Variants in MAK observed in about 807,000 individuals in gnomAD.
The protein encoded by MAK is male germ cell associated kinase, also known as serine/threonine-protein kinase MAK.
Under a neutral mutation model 82.6 loss-of-function variants are expected in MAK, and 65 were observed. That is an observed-to-expected ratio of 0.79 (90% confidence interval 0.64 to 0.97). MAK has a LOEUF of 0.97. Among genes scored for constraint, MAK ranks in the 50% least tolerant of loss-of-function variants. The pLI, the probability that MAK is intolerant of heterozygous loss-of-function variation, is 0.00. For missense variants in MAK, 703 were observed against 780.2 expected (o/e 0.90, Z 1.18); for synonymous variants, 250 against 274.2 (o/e 0.91, Z 0.87).
chr6:10,804,828 C>T (rs1776283767), intron 6 of MAK, among the ~76,000 whole-genome samples: 1 of 152,056 alleles, frequency 6.6e-6, no homozygotes, highest in South Asian at 2.1e-4. Context: ...TACTGCAAGC[C>T]CTCAAATAAA....
rs1581751836 is a variant in MAK, at chr6:10,819,086, A to C, written c.102-146T>G. Reference sequence around the variant, plus strand: ...CATCCTTATAAGGAAATCACCTCCTATACCTCAAGGCTACTTGGTAGGCCT... The same window carrying C: ...CATCCTTATAAGGAAATCACCTCCTCTACCTCAAGGCTACTTGGTAGGCCT... On this transcript the variant is annotated intron_variant, in intron 2 of 14. Transcript: ENST00000354489. The C allele has an allele frequency of 1.4e-5, 9 of 657,710 alleles. No homozygotes were observed. In the East Asian group the frequency reaches 2.2e-4, roughly 16 times the overall value. The allele number at this position is 657,710 out of a possible 1,614,324, so 40.7% of individuals were successfully genotyped here. A position where few individuals can be genotyped will look rare whatever the true frequency, so the allele number is the denominator to read the frequency against.
chr6:10,823,998 C>CAA (rs5874290), intron 2 of MAK, among the ~76,000 whole-genome samples: 9 of 146,910 alleles, frequency 6.1e-5, no homozygotes, highest in African/African-American at 2.3e-4. Context: ...TGGTAACAAA[C>CAA]AAAAAAAAAA....
intron 13 of MAK, among the ~76,000 whole-genome samples, chr6:10,772,669 A>G (rs933289953): frequency 6.6e-6 from 1 of 152,072 alleles, no homozygotes; most frequent in African/African-American, 2.4e-5. Context: ...GTGGTTGTTC[A>G]TGCTTAAGAA....
chr6:10,832,143 A>G (rs1159640258), intron 1 of MAK, among the ~76,000 whole-genome samples: 2 of 151,998 alleles, frequency 1.3e-5, no homozygotes, highest in African/African-American at 2.4e-5. Flanking sequence ...GCACCACCAC[A>G]CCTGGCTAAT....
At chr6:10,769,572 G>A (rs957992714) in intron 14 of MAK, among the ~76,000 whole-genome samples, 1 of 152,190 alleles carries the variant, frequency 6.6e-6, no homozygotes, top group African/African-American at 2.4e-5. Flanking sequence ...GCCCTAAGAT[G>A]GAACTGTAGA....
chr6:10,825,046 G>C (rs945349269), intron 2 of MAK, among the ~76,000 whole-genome samples: 2 of 152,200 alleles, frequency 1.3e-5, no homozygotes, highest in African/African-American at 4.8e-5. Context: ...AGATGTAAGG[G>C]GATGTCCTTG....
chr6:10,802,081 G>A (rs781157810), intron 7 of MAK, 22 bp from the exon 8 acceptor site: 15 of 1,610,158 alleles, frequency 9.3e-6, no homozygotes, highest in Non-Finnish European at 1.2e-5. Context: ...ATATATAAGT[G>A]CAGGTGGGGA....
intron 2 of MAK, among the ~76,000 whole-genome samples, chr6:10,822,780 C>A (rs1778060432): frequency 6.6e-6 from 1 of 152,144 alleles, no homozygotes; most frequent in Admixed American, 6.5e-5. Flanking sequence ...AGGAAATCAA[C>A]TTCAGAAATA....
chr6:10,773,747 A>G (rs182578520), intron 12 of MAK, among the ~76,000 whole-genome samples: 1 of 145,072 alleles, frequency 6.9e-6, no homozygotes, highest in Non-Finnish European at 1.5e-5. Context: ...GCTGGAGTGC[A>G]GTGGTGTGAT....
chr6:10,795,275 C>T (rs1775435175), intron 9 of MAK, among the ~76,000 whole-genome samples: 1 of 150,714 alleles, frequency 6.6e-6, no homozygotes, highest in Admixed American at 6.6e-5. Flanking sequence ...AACATGGTCT[C>T]CACTAAAAAT....
At chr6:10,785,223 G>C (rs1774433021) in intron 10 of MAK, among the ~76,000 whole-genome samples, 1 of 152,130 alleles carries the variant, frequency 6.6e-6, no homozygotes, top group African/African-American at 2.4e-5. Flanking sequence ...AGGACTTTCT[G>C]CTTCGAGGCT....
intron 3 of MAK, among the ~76,000 whole-genome samples, chr6:10,818,197 G>T (rs1234683768): frequency 6.6e-6 from 1 of 152,148 alleles, no homozygotes; most frequent in Non-Finnish European, 1.5e-5. Flanking sequence ...AATCTGTTAC[G>T]TTTTTCCCTT....
chr6:10,779,564 T>A (rs1481725065), intron 11 of MAK: 14 of 825,480 alleles, frequency 1.7e-5, no homozygotes, highest in Admixed American at 6.2e-5. Context: ...TAAGACCTTT[T>A]ATACTTGGCT....
At chr6:10,807,335 CCTTTT>C (rs1411050261) in intron 6 of MAK, among the ~76,000 whole-genome samples, 1 of 113,192 alleles carries the variant, frequency 8.8e-6, no homozygotes, top group African/African-American at 3.9e-5. Flanking sequence ...CACATATATT[CCTTTT>C]TTTTTTTTTT....
chr6:10,782,202 TCACACACACA>T (rs746386493), intron 11 of MAK, among the ~76,000 whole-genome samples: 4,521 of 146,102 alleles, frequency 0.031, 151 homozygotes, highest in African/African-American at 0.076. Context: ...TGAAACTCTG[TCACACACACA>T]CACACACACA....
chr6:10,835,512 G>A (rs1417127886), intron 1 of MAK, among the ~76,000 whole-genome samples: 2 of 152,168 alleles, frequency 1.3e-5, no homozygotes, highest in African/African-American at 4.8e-5. Context: ...CACCTGCCTC[G>A]GCCTCCCAAA....
intron 5 of MAK, among the ~76,000 whole-genome samples, chr6:10,810,157 A>G (rs1462046232): frequency 6.6e-6 from 1 of 151,248 alleles, no homozygotes; most frequent in Non-Finnish European, 1.5e-5. Context: ...AAGAACAAAC[A>G]TTAAAGCCCT....
intron 2 of MAK, among the ~76,000 whole-genome samples, chr6:10,820,028 C>T (rs1396370885): frequency 1.3e-5 from 2 of 151,704 alleles, no homozygotes; most frequent in African/African-American, 4.8e-5. Flanking sequence ...AGGAGAAGGG[C>T]GTGAACCCGG....
At chr6:10,771,704 G>T (rs955237363) in intron 13 of MAK, among the ~76,000 whole-genome samples, 3 of 152,204 alleles carry the variant, frequency 2.0e-5, no homozygotes, top group Non-Finnish European at 4.4e-5. Flanking sequence ...ATGTCAAAGC[G>T]CAATATTATG....
Sources: gnomAD v4.1 joint callset for allele counts (sites outside exome capture counted in the v4.1 genomes callset) on GRCh38, gnomAD v4.1.1 for gene constraint, MANE v1.5 for transcripts, NCBI Gene and HGNC (gene_info 2026-07-23, HGNC 2026-07-21) for gene names.